HIF1A: variants seen among roughly 807,000 people sequenced by gnomAD.
The protein encoded by HIF1A is hypoxia-inducible factor 1-alpha.
Under a neutral mutation model 92.7 loss-of-function variants are expected in HIF1A, and 24 were observed. The ratio of observed to expected loss-of-function variants is 0.26; its 90% CI spans 0.19 to 0.36. The LOEUF is 0.36. Ranked by LOEUF, HIF1A falls within the 10% of genes least tolerant of loss-of-function variation. The pLI is 1.00. For missense variants in HIF1A, 799 were observed against 998.5 expected, an observed-to-expected ratio of 0.80 and a Z score of 2.69; for synonymous variants, 319 against 338.7, an observed-to-expected ratio of 0.94 and a Z score of 0.64.
intron 1 of HIF1A, among the ~76,000 whole-genome samples, chr14:61,708,154 G>GTT (rs1316711773): frequency 2.0e-5 from 3 of 152,212 alleles, no homozygotes; most frequent in East Asian, 3.9e-4. Context: ...TGATGGGGTT[G>GTT]TTTTTTTCTT....
chr14:61,719,347 G>A lies in HIF1A; in HGVS notation c.36-1035G>A, dbSNP rs553545790. Among the ~76,000 whole-genome samples, 8 of 152,284 alleles carry A rather than the reference G, an allele frequency of 5.3e-5. 1 individual carries two copies. In the South Asian group the frequency reaches 1.7e-3, roughly 32 times the overall value. On this transcript the variant is annotated intron_variant, in intron 1 of 14. Transcript: ENST00000337138. ...ATTCCCCATTAAGAAGAGAAATACT[G>A]TGGAAGAGCAAAGACTTTAAAACAC...
In HIF1A at chr14:61,712,725, A is replaced by G. The variant is rs184854946; in HGVS notation, c.36-7657A>G. 3.2e-3 allele frequency among the ~76,000 whole-genome samples: 481 copies of G among 151,732 alleles called. 2 individuals carry two copies. The highest frequency in any genetic ancestry group is 5.9e-3 in the Non-Finnish European group (400 of 67,958). ...TAAAGCACAAATCAGGGATTCCCAAAAAGAATGTTGAAAGGGCAGTCAGCT... is the reference window on the plus strand; with the variant it reads ...TAAAGCACAAATCAGGGATTCCCAAGAAGAATGTTGAAAGGGCAGTCAGCT... On this transcript the variant is annotated intron_variant, in intron 1 of 14. Transcript: ENST00000337138.
At chr14:61,726,469 G>A (rs1324345356) in intron 4 of HIF1A, 2 of 304,318 alleles carry the variant, frequency 6.6e-6, no homozygotes, top group Middle Eastern at 9.4e-4. Context: ...ATGATTAACT[G>A]TTATCCCAAA....
chr14:61,722,086 C>CTT (rs5809118), intron 4 of HIF1A, among the ~76,000 whole-genome samples: 73 of 143,564 alleles, frequency 5.1e-4, no homozygotes, highest in African/African-American at 1.8e-3. Flanking sequence ...TTACAAATAA[C>CTT]TTTTTTTTTT....
At chr14:61,744,607 AT>A (rs1418947149) in intron 12 of HIF1A, 97 bp from the exon 13 acceptor site, 12 of 553,142 alleles carry the variant, frequency 2.2e-5, no homozygotes, top group Non-Finnish European at 3.6e-5. Context: ...ATTCCTTAAT[AT>A]TGGAGAACTA....
At chr14:61,702,327 G>C (rs1007554178) in intron 1 of HIF1A, among the ~76,000 whole-genome samples, 4 of 147,328 alleles carry the variant, frequency 2.7e-5, no homozygotes, top group African/African-American at 1.0e-4. Context: ...TGTAATCCCA[G>C]CTACTCGGAG....
intron 12 of HIF1A, among the ~76,000 whole-genome samples, 157 bp from the exon 13 acceptor site, chr14:61,744,548 T>C (rs1289050624): frequency 6.6e-6 from 1 of 151,944 alleles, no homozygotes; most frequent in African/African-American, 2.4e-5. Context: ...GCTTTTACTT[T>C]TAAGATGATA....
In HIF1A at chr14:61,738,081, C is replaced by T; in HGVS notation, c.1250-6C>T. ...CTTTAGATTGACTCATATTTTTTCC[C>T]CACAGACACAGAAACTGATGACCAG... On this transcript the variant is annotated splice_polypyrimidine_tract_variant and splice_region_variant and intron_variant, in intron 9 of 14. Coordinates refer to ENST00000337138, the MANE Select transcript of HIF1A (RefSeq NM_001530.4). 1 of 1,576,660 alleles carries T rather than the reference C, an allele frequency of 6.3e-7. No individual in the cohort carries two copies. Among genetic ancestry groups the T allele is most frequent in the Non-Finnish European group, 8.6e-7 (1 of 1,164,050 alleles).
intron 12 of HIF1A, among the ~76,000 whole-genome samples, chr14:61,743,916 A>T (rs2044744646): frequency 6.6e-6 from 1 of 152,196 alleles, no homozygotes; most frequent in African/African-American, 2.4e-5. Flanking sequence ...GAGCAGTAGG[A>T]CTTTGAGAAA....
At chr14:61,714,633 T>G (rs1253530057) in intron 1 of HIF1A, among the ~76,000 whole-genome samples, 2 of 152,028 alleles carry the variant, frequency 1.3e-5, no homozygotes, top group South Asian at 2.1e-4. Flanking sequence ...GTATGTGTGT[T>G]AGCTTTAGGT....
chr14:61,712,014 C>G (rs1045121324), intron 1 of HIF1A, among the ~76,000 whole-genome samples: 2 of 152,130 alleles, frequency 1.3e-5, no homozygotes, highest in African/African-American at 4.8e-5. Context: ...ACAAAAGTCT[C>G]CGCCTCTATG....
rs2044706572 is a variant in HIF1A, at chr14:61,741,182, G to C, written c.2087G>C (p.Ser696Thr). 2.5e-6 allele frequency: 4 copies of C among 1,588,970 alleles called. No homozygotes were observed. The East Asian group carries it at 8.9e-5, about 36-fold the overall frequency. The change falls in exon 12 of 15, where the codon AGT becomes ACT. Residue 696 changes from serine to threonine, a missense_variant. Ser to Thr is a moderately conservative substitution (Grantham distance 58). Transcript: ENST00000337138. The part of the protein sequence containing the change: ...RSPNVLSVAL[S>T]QRTTVPEEEL... Reference sequence around the variant, plus strand: ...CCTAACGTGTTATCTGTCGCTTTGAGTCAAAGGTATTTATATGTAACATTC... The same window carrying C: ...CCTAACGTGTTATCTGTCGCTTTGACTCAAAGGTATTTATATGTAACATTC...
intron 9 of HIF1A, among the ~76,000 whole-genome samples, chr14:61,737,840 AC>A (rs978527246): frequency 3.4e-4 from 52 of 152,216 alleles, no homozygotes; most frequent in African/African-American, 1.2e-3. Context: ...CAGCCTGGCC[AC>A]CATGGTGAAA....
At chr14:61,725,548 G>A (rs2044493600) in intron 4 of HIF1A, among the ~76,000 whole-genome samples, 1 of 151,954 alleles carries the variant, frequency 6.6e-6, no homozygotes, top group Non-Finnish European at 1.5e-5. Context: ...CCAAGTAGCT[G>A]GGATTATAGG....
chr14:61,725,822 G>T (rs2044496280), intron 4 of HIF1A, among the ~76,000 whole-genome samples: 1 of 150,838 alleles, frequency 6.6e-6, no homozygotes, highest in Non-Finnish European at 1.5e-5. Context: ...CTTTATTTCT[G>T]TAGCTTTTTT....
At chr14:61,714,022 G>T (rs950444222) in intron 1 of HIF1A, among the ~76,000 whole-genome samples, 3 of 152,080 alleles carry the variant, frequency 2.0e-5, no homozygotes, top group Non-Finnish European at 4.4e-5. Context: ...GGGAGCAGAG[G>T]GGGGAAAAAA....
intron 1 of HIF1A, among the ~76,000 whole-genome samples, chr14:61,718,479 C>G (rs183509782): frequency 6.6e-6 from 1 of 152,280 alleles, no homozygotes; most frequent in African/African-American, 2.4e-5. Flanking sequence ...AGATACCCCC[C>G]CATCCTGGGA....
chr14:61,727,715 A>G, intron 6 of HIF1A, 60 bp downstream of exon 6: 1 of 1,221,138 alleles, frequency 8.2e-7, no homozygotes, highest in Non-Finnish European at 1.2e-6. Context: ...ATTACTGAAT[A>G]TTCACCATAG....
chr14:61,734,561 T>C (rs1274989303), intron 8 of HIF1A, among the ~76,000 whole-genome samples: 1 of 152,114 alleles, frequency 6.6e-6, no homozygotes, highest in African/African-American at 2.4e-5. Flanking sequence ...ATTGATTGGT[T>C]TGGTCTAATT....
Sources: allele counts gnomAD v4.1 joint callset (sites outside exome capture counted in the v4.1 genomes callset), GRCh38; gene constraint gnomAD v4.1.1; transcripts MANE v1.5; gene names NCBI Gene and HGNC (gene_info 2026-07-23, HGNC 2026-07-21).